The following APBB2 variants were observed in gnomAD, a reference collection of about 807,000 sequenced individuals.
The protein encoded by APBB2 is Fe65-like 1.
APBB2 carries 38 observed loss-of-function variants against 82.5 expected under a neutral mutation model. The ratio of observed to expected loss-of-function variants is 0.46; its 90% CI spans 0.36 to 0.60. The LOEUF (loss-of-function observed/expected upper bound fraction) is 0.60, where lower values mean the gene tolerates loss of function less well. Among genes scored for constraint, APBB2 ranks in the 20% least tolerant of loss-of-function variants. The pLI is 0.00. For missense variants in APBB2, 772 were observed against 972.3 expected (o/e 0.79, Z 2.74); for synonymous variants, 341 against 368.2 (o/e 0.93, Z 0.85).
At chr4:41,082,379 G>C (rs906587607) in intron 3 of APBB2, among the ~76,000 whole-genome samples, 1 of 152,004 alleles carries the variant, frequency 6.6e-6, no homozygotes, top group Non-Finnish European at 1.5e-5. Context: ...ATTTAACTTT[G>C]ATTCCTTAGC....
chr4:40,939,781 G>T (rs1025604346), intron 7 of APBB2, among the ~76,000 whole-genome samples: 5 of 152,138 alleles, frequency 3.3e-5, no homozygotes, highest in Non-Finnish European at 5.9e-5. Context: ...TTTTAGTAGA[G>T]AAAGTCCTGG....
At chr4:41,108,231 A>C (rs1450014486) in intron 2 of APBB2, among the ~76,000 whole-genome samples, 3 of 152,190 alleles carry the variant, frequency 2.0e-5, no homozygotes, top group Admixed American at 6.5e-5. Context: ...ACAACCTATA[A>C]AAACTAGTAA....
At chr4:41,094,013 T>A (rs1742665408) in intron 3 of APBB2, among the ~76,000 whole-genome samples, 1 of 152,200 alleles carries the variant, frequency 6.6e-6, no homozygotes, top group Non-Finnish European at 1.5e-5. Flanking sequence ...GTCAGCTATG[T>A]GAGGTAATCC....
chr4:41,079,137 T>C (rs528108991), intron 3 of APBB2, among the ~76,000 whole-genome samples: 1 of 152,322 alleles, frequency 6.6e-6, no homozygotes, highest in Admixed American at 6.5e-5. Flanking sequence ...CGAACACTAA[T>C]GTCCAGTGTT....
intron 10 of APBB2, among the ~76,000 whole-genome samples, chr4:40,930,458 C>CAT (rs1338615957): frequency 2.2e-5 from 3 of 133,606 alleles, no homozygotes; most frequent in African/African-American, 9.1e-5. Flanking sequence ...TGCGCGCGCG[C>CAT]GCGCGCGCGT....
intron 10 of APBB2, among the ~76,000 whole-genome samples, chr4:40,897,654 C>T (rs1236211069): frequency 6.6e-6 from 1 of 152,126 alleles, no homozygotes; most frequent in African/African-American, 2.4e-5. Flanking sequence ...AGAGTTTCAC[C>T]CCATTCCATG....
At chr4:41,048,721 G>C (rs1035248509) in intron 4 of APBB2, among the ~76,000 whole-genome samples, 1 of 141,188 alleles carries the variant, frequency 7.1e-6, no homozygotes, top group Non-Finnish European at 1.5e-5. Context: ...CTCTGATGCC[G>C]AGCGGAAGCT....
intron 12 of APBB2, among the ~76,000 whole-genome samples, chr4:40,831,564 G>A (rs562005876): frequency 2.6e-5 from 4 of 152,086 alleles, no homozygotes; most frequent in Non-Finnish European, 5.9e-5. Context: ...CGCATGAATC[G>A]CAAGATGATA....
intron 5 of APBB2, among the ~76,000 whole-genome samples, chr4:41,016,399 C>T (rs1809946913): frequency 1.3e-5 from 2 of 152,170 alleles, no homozygotes; most frequent in Non-Finnish European, 2.9e-5. Context: ...CGGTGGCTCA[C>T]GCCTGTAATC....
chr4:40,981,345 G>A (rs940978990), intron 6 of APBB2, among the ~76,000 whole-genome samples: 5 of 151,698 alleles, frequency 3.3e-5, no homozygotes, highest in African/African-American at 1.2e-4. Context: ...TCGCACCACT[G>A]TACTCTGGCC....
chr4:40,911,714 G>C (rs75818615), intron 10 of APBB2, among the ~76,000 whole-genome samples: 2,547 of 152,268 alleles, frequency 0.017, 55 homozygotes, highest in African/African-American at 0.058. Context: ...GGTGCATCCT[G>C]AGCTCTTAAT....
chr4:40,839,438 CTGT>C (rs1755081516), intron 12 of APBB2, among the ~76,000 whole-genome samples: 1 of 152,078 alleles, frequency 6.6e-6, no homozygotes, highest in South Asian at 2.1e-4. Flanking sequence ...CACCAATTCT[CTGT>C]TGTTGGGATT....
intron 4 of APBB2, among the ~76,000 whole-genome samples, chr4:41,063,370 T>C (rs1463475145): frequency 6.6e-6 from 1 of 152,240 alleles, no homozygotes; most frequent in African/African-American, 2.4e-5. Context: ...ATCTGACCTA[T>C]TGGCTACAGT....
chr4:40,847,416 C>G (rs1035945849), intron 12 of APBB2, among the ~76,000 whole-genome samples: 2 of 152,186 alleles, frequency 1.3e-5, no homozygotes, highest in African/African-American at 4.8e-5. Context: ...GAGCTGAGAT[C>G]GTGCCTCTGC....
intron 2 of APBB2, chr4:41,118,216 AAAAAACAAAAAAC>A (rs1254605473): frequency 3.3e-5 from 5 of 151,536 alleles, no homozygotes; most frequent in Admixed American, 6.6e-5. Flanking sequence ...CTATCAAAAC[AAAAAACAAAAAAC>A]AAAAACAAAA....
At position 41,014,418 on chromosome 4, in the gene APBB2, T is replaced by C; in HGVS notation, c.20-20A>G. On this transcript the variant is annotated intron_variant, in intron 5 of 17. Coordinates refer to ENST00000508593, the MANE Select transcript of APBB2 (RefSeq NM_004307.2). Reference sequence around the variant, plus strand: ...AGTCAGCTGGGGAAAAAAAAAGTCATTAGACACCTGCCATGATTAAACTAC... The same window carrying C: ...AGTCAGCTGGGGAAAAAAAAAGTCACTAGACACCTGCCATGATTAAACTAC... 1 of 1,605,674 alleles carries C rather than the reference T, an allele frequency of 6.2e-7. No homozygotes were observed. Among genetic ancestry groups the C allele is most frequent in the Non-Finnish European group, 8.5e-7 (1 of 1,174,288 alleles).
At chr4:41,031,369 T>C (rs16852738) in intron 5 of APBB2, among the ~76,000 whole-genome samples, 6,981 of 152,294 alleles carry the variant, frequency 0.046, 341 homozygotes, top group African/African-American at 0.12. Context: ...CCCTCTCTCA[T>C]CAGTCGCCAT....
At chr4:40,916,311 GAAGA>G (rs1489080499) in intron 10 of APBB2, among the ~76,000 whole-genome samples, 1 of 151,288 alleles carries the variant, frequency 6.6e-6, no homozygotes, top group Non-Finnish European at 1.5e-5. Context: ...GGCTAGACCT[GAAGA>G]CAGACAGACA....
At chr4:41,012,859 T>C (rs901759258) in intron 6 of APBB2, among the ~76,000 whole-genome samples, 13 of 152,188 alleles carry the variant, frequency 8.5e-5, no homozygotes, top group Non-Finnish European at 1.9e-4. Flanking sequence ...TATAAGAAAA[T>C]GATATTTAAA....
Sources: gnomAD v4.1 joint callset for allele counts (sites outside exome capture counted in the v4.1 genomes callset) on GRCh38, gnomAD v4.1.1 for gene constraint, MANE v1.5 for transcripts, NCBI Gene and HGNC (gene_info 2026-07-23, HGNC 2026-07-21) for gene names.